The following GABRG1 variants were observed in gnomAD, a reference collection of about 807,000 sequenced individuals.
GABRG1 encodes gamma-aminobutyric acid type A receptor subunit gamma1.
A neutral mutation model predicts 49.8 loss-of-function variants in GABRG1; 49 were observed. The ratio of observed to expected loss-of-function variants is 0.98; its 90% CI spans 0.78 to 1.25. GABRG1 has a LOEUF of 1.25. Ranked by LOEUF, GABRG1 falls within the 50% of genes most tolerant of loss-of-function variation. The probability of loss-of-function intolerance (pLI) is 0.00; values close to 1 mark genes in which losing one functional copy is unlikely to be tolerated. For synonymous variants in GABRG1, 232 were observed against 185.1 expected (o/e 1.25, Z -2.06); for missense variants, 552 against 552.3 (o/e 1.00, Z 0.01).
At chr4:46,101,191 G>T (rs1027907194) in intron 1 of GABRG1, among the ~76,000 whole-genome samples, 1 of 151,058 alleles carries the variant, frequency 6.6e-6, no homozygotes. Context: ...CCTTAAAAAT[G>T]AGAAAATAAG....
At chr4:46,069,090 G>T (rs533553614) in intron 3 of GABRG1, among the ~76,000 whole-genome samples, 1 of 152,128 alleles carries the variant, frequency 6.6e-6, no homozygotes, top group South Asian at 2.1e-4. Flanking sequence ...TTGTCAGTTT[G>T]CAATTAAGCA....
chr4:46,109,667 C>A (rs900235651), intron 1 of GABRG1, among the ~76,000 whole-genome samples: 2 of 151,122 alleles, frequency 1.3e-5, no homozygotes, highest in Non-Finnish European at 3.0e-5. Context: ...AAACTTTCTT[C>A]TTAACACTGC....
In GABRG1 at chr4:46,040,497, A is replaced by G. The variant is rs999161182; in HGVS notation, c.*491T>C. The stretch of plus-strand genomic sequence containing the variant: ...TCTTGGAAGAAAATCCAAGAAAACT[A>G]TGGCTTTATGTTATCAACTAACTGT... On this transcript the variant is annotated 3_prime_UTR_variant, in exon 9 of 9. Transcript: ENST00000295452. 5 of 152,472 alleles carry G rather than the reference A, an allele frequency of 3.3e-5. No individual in the cohort carries two copies. The highest frequency in any genetic ancestry group is 6.6e-5 in the Admixed American group (1 of 15,192). The allele number at this position is 152,472 out of a possible 1,614,324, so 9.4% of individuals were successfully genotyped here.
chr4:46,073,732 T>C (rs868831648), intron 3 of GABRG1, among the ~76,000 whole-genome samples: 2 of 152,064 alleles, frequency 1.3e-5, no homozygotes, highest in African/African-American at 4.8e-5. Flanking sequence ...TTTTTTCCTA[T>C]ACATAAGTAC....
chr4:46,087,867 T>C (rs1427584162), intron 2 of GABRG1, among the ~76,000 whole-genome samples: 2 of 152,022 alleles, frequency 1.3e-5, no homozygotes, highest in African/African-American at 4.8e-5. Flanking sequence ...CATTTAGATA[T>C]ATGTGGATGA....
chr4:46,046,177 C>T (rs751048186), intron 8 of GABRG1, among the ~76,000 whole-genome samples: 1 of 152,040 alleles, frequency 6.6e-6, no homozygotes, highest in Non-Finnish European at 1.5e-5. Flanking sequence ...TCCACTATTA[C>T]TGTTAAAATT....
chr4:46,042,202 G>A (rs1717814096), intron 8 of GABRG1, among the ~76,000 whole-genome samples: 1 of 151,782 alleles, frequency 6.6e-6, no homozygotes, highest in South Asian at 2.1e-4. Context: ...CATTATTGTT[G>A]TCATTGTTAC....
chr4:46,050,338 A>G (rs1718167712), intron 8 of GABRG1, among the ~76,000 whole-genome samples: 1 of 151,936 alleles, frequency 6.6e-6, no homozygotes, highest in Non-Finnish European at 1.5e-5. Context: ...CTCTTGGAAT[A>G]TAACATGAAA....
intron 3 of GABRG1, among the ~76,000 whole-genome samples, chr4:46,072,070 T>C (rs1719147866): frequency 6.6e-6 from 1 of 152,086 alleles, no homozygotes; most frequent in African/African-American, 2.4e-5. Flanking sequence ...ACCATTTTTA[T>C]CTTTTATACC....
intron 3 of GABRG1, among the ~76,000 whole-genome samples, chr4:46,083,560 T>G (rs1225131757): frequency 6.6e-6 from 1 of 151,718 alleles, no homozygotes; most frequent in Non-Finnish European, 1.5e-5. Context: ...TATATTCCAG[T>G]AACATCAAAT....
chr4:46,111,750 C>G (rs371102074), intron 1 of GABRG1, among the ~76,000 whole-genome samples: 1 of 151,276 alleles, frequency 6.6e-6, no homozygotes. Context: ...AAAGGACTCT[C>G]TATTCAATAA....
At position 46,123,941 on chromosome 4, in the gene GABRG1, C is replaced by G; in HGVS notation, c.-28G>C. ...GAATCGCTTTTTTACGTGTGCTGCACTAGCTCAATTCTCCCAGCCAGGACT... is the reference window on the plus strand; with the variant it reads ...GAATCGCTTTTTTACGTGTGCTGCAGTAGCTCAATTCTCCCAGCCAGGACT... On this transcript the variant is annotated 5_prime_UTR_variant, in exon 1 of 9. Transcript: ENST00000295452. 1.3e-6 allele frequency: 2 copies of G among 1,538,648 alleles called. No homozygotes were observed. Among genetic ancestry groups the G allele is most frequent in the Non-Finnish European group, 1.8e-6 (2 of 1,112,582 alleles).
intron 2 of GABRG1, among the ~76,000 whole-genome samples, chr4:46,094,722 C>T (rs1412336331): frequency 2.0e-5 from 3 of 151,752 alleles, no homozygotes; most frequent in Non-Finnish European, 2.9e-5. Flanking sequence ...GAATTTCTCC[C>T]CGACCACAAA....
intron 2 of GABRG1, among the ~76,000 whole-genome samples, chr4:46,085,194 G>T (rs759645555): frequency 8.6e-5 from 13 of 151,052 alleles, no homozygotes; most frequent in Non-Finnish European, 1.9e-4. Flanking sequence ...ATTGTTCCTG[G>T]GACAATTTTC....
chr4:46,065,731 C>A (rs1718892023), intron 3 of GABRG1, 147 bp from the exon 4 acceptor site: 1 of 577,742 alleles, frequency 1.7e-6, no homozygotes, highest in Non-Finnish European at 3.0e-6. Flanking sequence ...TTATTTTAAA[C>A]TTTTTTTTTG....
chr4:46,050,781 A>C (rs1329594162), intron 8 of GABRG1, among the ~76,000 whole-genome samples: 2 of 151,804 alleles, frequency 1.3e-5, no homozygotes, highest in African/African-American at 4.8e-5. Flanking sequence ...CATACATGAA[A>C]TCATGCATGT....
rs377213103 is a variant in GABRG1, at chr4:46,114,112, C to T, written c.104+9698G>A. On this transcript the variant is annotated intron_variant, in intron 1 of 8. Coordinates refer to ENST00000295452, the MANE Select transcript of GABRG1 (RefSeq NM_173536.4). The stretch of plus-strand genomic sequence containing the variant: ...ACTAAACCCTTTTGTAGAAAAGTTC[C>T]TTTCTAGGGTTGTAGCTCTGAATAA... Among the ~76,000 whole-genome samples, 8 of 150,942 alleles carry T rather than the reference C, an allele frequency of 5.3e-5. No homozygotes were observed. The East Asian group carries it at 5.8e-4, about 11-fold the overall frequency.
At chr4:46,095,579 G>T (rs894920176) in intron 2 of GABRG1, among the ~76,000 whole-genome samples, 2 of 151,720 alleles carry the variant, frequency 1.3e-5, no homozygotes, top group African/African-American at 2.4e-5. Flanking sequence ...TAATAGACTG[G>T]CATTAGACTT....
intron 1 of GABRG1, among the ~76,000 whole-genome samples, chr4:46,110,744 A>T (rs1489744757): frequency 6.6e-6 from 1 of 151,186 alleles, no homozygotes; most frequent in African/African-American, 2.4e-5. Context: ...CATAATTAAA[A>T]AAAACATGTA....
Sources: gnomAD v4.1 joint callset for allele counts (sites outside exome capture counted in the v4.1 genomes callset) on GRCh38, gnomAD v4.1.1 for gene constraint, MANE v1.5 for transcripts, NCBI Gene and HGNC (gene_info 2026-07-23, HGNC 2026-07-21) for gene names.